Variants in TM2D3 observed in about 807,000 individuals in gnomAD.
TM2D3 encodes the protein TM2 domain-containing protein 3.
Under a neutral mutation model 27.3 loss-of-function variants are expected in TM2D3, and 33 were observed. The observed-to-expected ratio is 1.21, with a 90% CI of 0.92 to 1.61. The LOEUF (loss-of-function observed/expected upper bound fraction) is 1.61, where lower values mean the gene tolerates loss of function less well. TM2D3 is among the 40% of genes most tolerant of loss of function. The probability of loss-of-function intolerance (pLI) is 0.00; values close to 1 mark genes in which losing one functional copy is unlikely to be tolerated. For synonymous variants in TM2D3, 138 were observed against 122.2 expected, an observed-to-expected ratio of 1.13 and a Z score of -0.85; for missense variants, 364 against 320.8, an observed-to-expected ratio of 1.13 and a Z score of -1.03.
intron 1 of TM2D3, 122 bp from the exon 2 acceptor site, chr15:101,651,895 C>T: frequency 2.0e-6 from 2 of 982,236 alleles, no homozygotes; most frequent in Non-Finnish European, 1.6e-6. Flanking sequence ...AACCTCACGG[C>T]TGGTCAGCCA....
downstream of TM2D3, among the ~76,000 whole-genome samples, chr15:101,638,113 C>T (rs1031953500): frequency 6.4e-4 from 98 of 152,208 alleles, no homozygotes; most frequent in African/African-American, 2.3e-3. Context: ...GCTTTGGATC[C>T]TTTATCTGGT....
In TM2D3 at chr15:101,642,072, C is replaced by T; in HGVS notation, c.*407G>A. ...CAGAAACACTCCCACTTCCTGCAGTCACAGCAATTAGCTAACAATAAAAAC... is the reference window on the plus strand; with the variant it reads ...CAGAAACACTCCCACTTCCTGCAGTTACAGCAATTAGCTAACAATAAAAAC... On this transcript the variant is annotated 3_prime_UTR_variant, in exon 6 of 6. Coordinates refer to ENST00000333202, the MANE Select transcript of TM2D3 (RefSeq NM_078474.3). 1 of 987,738 alleles carries T rather than the reference C, an allele frequency of 1.0e-6. No homozygotes were observed. The highest frequency in any genetic ancestry group is 1.2e-6 in the Non-Finnish European group (1 of 831,318). 61.2% of individuals were successfully genotyped at this position (987,738 alleles called of 1,614,324 possible).
Position 101,642,049 on chromosome 15 carries a change from G to A in TM2D3, c.*430C>T, listed in dbSNP as rs1446495726. On this transcript the variant is annotated 3_prime_UTR_variant, in exon 6 of 6. Transcript: ENST00000333202. ...TAATAACTTCAATTAGCCAACAACA[G>A]AAACACTCCCACTTCCTGCAGTCAC... The A allele has an allele frequency of 3.0e-6, 3 of 986,632 alleles. No homozygotes were observed. Among genetic ancestry groups the A allele is most frequent in the Non-Finnish European group, 3.6e-6 (3 of 830,718 alleles). 61.1% of individuals were successfully genotyped at this position (986,632 alleles called of 1,614,324 possible).
Position 101,645,132 on chromosome 15 carries a change from CA to C in TM2D3, c.532del (p.Cys178AlafsTer15). 1 of 1,609,888 alleles carries C rather than the reference CA, an allele frequency of 6.2e-7. No homozygotes were observed. Among genetic ancestry groups the C allele is most frequent in the South Asian group, 1.1e-5 (1 of 90,684 alleles). The part of the protein sequence containing the change: ...GNRTFPKMLY[C>X]NWTGGYKWST... Reference sequence around the variant, plus strand: ...CCACTTATAGCCTCCAGTCCAATTGCAATATAGCATTTTGGGAAAAGTACGG... The same window carrying C: ...CCACTTATAGCCTCCAGTCCAATTGCATATAGCATTTTGGGAAAAGTACGG... On this transcript the variant is annotated frameshift_variant, in exon 5 of 6. Coordinates refer to ENST00000333202, the MANE Select transcript of TM2D3 (RefSeq NM_078474.3). LOFTEE classifies it high-confidence loss of function.
exon 5 of TM2D3, chr15:101,633,662 T>C (rs1279511676): frequency 6.5e-7 from 1 of 1,530,648 alleles, no homozygotes; most frequent in Admixed American, 2.0e-5. Context: ...AAAATCCACC[T>C]TTTTCAGGGT....
At chr15:101,639,876 C>G (rs1008633396), downstream of TM2D3, among the ~76,000 whole-genome samples, 11 of 152,194 alleles carry the variant, frequency 7.2e-5, no homozygotes, top group African/African-American at 2.4e-4. Context: ...ATGAGAGCCT[C>G]TGTGTGCACG....
At chr15:101,646,463 G>A (rs1353528421) in intron 4 of TM2D3, 3 of 353,674 alleles carry the variant, frequency 8.5e-6, no homozygotes, top group Non-Finnish European at 1.6e-5. Context: ...GTTATTTTGG[G>A]TAAAGGTCAA....
Position 101,650,160 on chromosome 15 carries a change from TTC to T in TM2D3, c.170-1_170del, listed in dbSNP as rs1410093579. 6.2e-7 allele frequency: 1 copy of T among 1,612,040 alleles called. No homozygotes were observed. The highest frequency in any genetic ancestry group is 1.1e-5 in the South Asian group (1 of 90,860). ...TCACATAAGGTGGGATTTCAGTACT[TTC>T]TGTGAGAGGCAAGAGAGAAGCTTAT... On this transcript the variant is annotated splice_acceptor_variant and coding_sequence_variant, in exon 3 of 6. Transcript: ENST00000333202. LOFTEE classifies it high-confidence loss of function.
chr15:101,633,912 C>A, intron 4 of TM2D3: 1 of 457,740 alleles, frequency 2.2e-6, no homozygotes, highest in Non-Finnish European at 3.8e-6. Context: ...GATTACCTGA[C>A]AAGAATTTTA....
chr15:101,650,831 C>A (rs1896948660), intron 2 of TM2D3: 1 of 152,170 alleles, frequency 6.6e-6, no homozygotes, highest in Non-Finnish European at 1.5e-5. Context: ...CTGAAAGGAT[C>A]AAAATTGCAA....
chr15:101,642,656 AACAG>A lies in TM2D3; in HGVS notation c.579-16_579-13del. 1 of 1,586,310 alleles carries A rather than the reference AACAG, an allele frequency of 6.3e-7. No individual in the cohort carries two copies. Among genetic ancestry groups the A allele is most frequent in the Non-Finnish European group, 8.6e-7 (1 of 1,164,130 alleles). ...CACCGAGGGTGATGCTGCGATGGCA[AACAG>A]ACAGGATTCCATGAGACCACCTCCA... On this transcript the variant is annotated splice_polypyrimidine_tract_variant and intron_variant, in intron 5 of 5. Coordinates refer to ENST00000333202, the MANE Select transcript of TM2D3 (RefSeq NM_078474.3).
At chr15:101,634,908 C>A (rs930582530) in intron 4 of TM2D3, 1 of 152,142 alleles carries the variant, frequency 6.6e-6, no homozygotes, top group Admixed American at 6.5e-5. Context: ...CCTGTAATCC[C>A]AGCAGTTTGG....
chr15:101,636,658 A>T (rs567844890), intron 4 of TM2D3: 1 of 179,410 alleles, frequency 5.6e-6, no homozygotes, highest in Non-Finnish European at 1.2e-5. Flanking sequence ...CTTTCACAAC[A>T]TATCTCCACT....
chr15:101,634,655 C>T (rs914184030), intron 4 of TM2D3: 2 of 152,094 alleles, frequency 1.3e-5, no homozygotes, highest in East Asian at 3.9e-4. Flanking sequence ...TTTTCAAGTG[C>T]ACATGTAACA....
rs1431564721 is a variant in TM2D3, at chr15:101,652,307, G to A, written c.55C>T (p.Leu19Phe). ...AGAATGCAGAACTGCGAGAGGAAGA[G>A]CAGCACGCGACACAAGGCGCGGAGG... The part of the protein sequence containing the change: ...RGLRALCRVL[L>F]FLSQFCILSG... The change falls in exon 1 of 6, where the codon CTC becomes TTC. Residue 19 changes from leucine (L) to phenylalanine (F), a missense_variant. Transcript: ENST00000333202. 4 of 1,603,700 alleles carry A rather than the reference G, an allele frequency of 2.5e-6. No individual in the cohort carries two copies. In the Admixed American group the frequency reaches 5.0e-5, roughly 20 times the overall value.
intron 2 of TM2D3, 98 bp downstream of exon 2, chr15:101,651,598 G>T (rs1428428131): frequency 1.7e-6 from 2 of 1,199,960 alleles, no homozygotes; most frequent in African/African-American, 1.5e-5. Flanking sequence ...TTCAAAAATG[G>T]AAAGTGACTT....
chr15:101,633,498 C>G (rs947238018), exon 5 of TM2D3: 6 of 491,388 alleles, frequency 1.2e-5, no homozygotes, highest in Non-Finnish European at 2.2e-5. Flanking sequence ...CCTCAGATCC[C>G]GAAGGACACC....
intron 5 of TM2D3, among the ~76,000 whole-genome samples, chr15:101,643,599 T>TTAAAAAAAAAAAAAA (rs1309191747): frequency 2.1e-5 from 1 of 47,330 alleles, no homozygotes; most frequent in African/African-American, 7.9e-5. Context: ...GAGACTCCGT[T>TTAAAAAAAAAAAAAA]AAAAAAAAAA....
chr15:101,651,896 T>C lies in TM2D3; in HGVS notation c.92-123A>G, dbSNP rs541254305. 12 of 973,112 alleles carry C rather than the reference T, an allele frequency of 1.2e-5. No individual in the cohort carries two copies. In the East Asian group the frequency reaches 2.6e-4, roughly 21 times the overall value. 60.3% of individuals were successfully genotyped at this position (973,112 alleles called of 1,614,324 possible). A position where few individuals can be genotyped will look rare whatever the true frequency, so the allele number is the denominator to read the frequency against. On this transcript the variant is annotated intron_variant, in intron 1 of 5. Coordinates refer to ENST00000333202, the MANE Select transcript of TM2D3 (RefSeq NM_078474.3). ...AAGCTGCTCATGAAAACCTCACGGC[T>C]GGTCAGCCAGAAAACACAAAGCTTA... is the stretch of plus-strand genomic sequence containing the variant.
Sources: allele counts gnomAD v4.1 joint callset (sites outside exome capture counted in the v4.1 genomes callset), GRCh38; gene constraint gnomAD v4.1.1; transcripts MANE v1.5; gene names NCBI Gene and HGNC (gene_info 2026-07-23, HGNC 2026-07-21).